Variants in RGL4 observed in about 807,000 individuals in gnomAD.
The protein encoded by RGL4 is ral guanine nucleotide dissociation stimulator like 4.
A neutral mutation model predicts 49.6 loss-of-function variants in RGL4; 41 were observed. That is an observed-to-expected ratio of 0.83 (90% CI 0.64 to 1.07). RGL4 has a LOEUF of 1.07. Ranked by LOEUF, RGL4 falls within the 50% of genes least tolerant of loss-of-function variation. The pLI, the probability that RGL4 is intolerant of heterozygous loss-of-function variation, is 0.00. For missense variants in RGL4, 610 were observed against 591.9 expected, an observed-to-expected ratio of 1.03 and a Z score of -0.32; for synonymous variants, 255 against 238.0, an observed-to-expected ratio of 1.07 and a Z score of -0.66.
rs763114232 is a variant in RGL4, at chr22:23,694,383, G to A, written c.949G>A (p.Val317Ile). 32 of 1,613,876 alleles carry A rather than the reference G, an allele frequency of 2.0e-5. No homozygotes were observed. The highest frequency in any genetic ancestry group is 2.2e-5 in the East Asian group (1 of 44,894). The change falls in exon 5 of 11, where the codon GTC (valine) becomes ATC (isoleucine). Residue 317 changes from valine (V) to isoleucine (I), a missense_variant. Transcript: ENST00000290691. The part of the protein sequence containing the change: ...LSLNNFSSVH[V>I]IVSALCSNPI... ...CCTCAACAACTTCTCCTCGGTGCAC[G>A]TCATCGTCTCTGCTCTGTGCAGCAA... is the stretch of plus-strand genomic sequence containing the variant.
intron 7 of RGL4, 48 bp from the exon 8 acceptor site, chr22:23,697,123 T>C (rs1418685788): frequency 1.4e-6 from 2 of 1,436,460 alleles, no homozygotes; most frequent in South Asian, 1.2e-5. Flanking sequence ...TGAGGGCCAA[T>C]ACTCATCACC....
intron 6 of RGL4, among the ~76,000 whole-genome samples, chr22:23,695,689 G>A (rs180766917): frequency 6.6e-5 from 10 of 152,314 alleles, no homozygotes; most frequent in East Asian, 1.9e-4. Flanking sequence ...GATTCTCACC[G>A]GTTAGCAGCG....
intron 6 of RGL4, chr22:23,696,178 G>A (rs1361659326): frequency 4.9e-6 from 3 of 612,474 alleles, no homozygotes; most frequent in South Asian, 2.1e-5. Context: ...CTCTTTGGGG[G>A]CCCTGGGGAG....
rs1377783219 is a variant in RGL4 at position 23,698,840 on chromosome 22, G to A, written c.1383-4G>A. ...GGCCTCACAGCTGCTTCTCTGTCCT[G>A]CAGCTACAAGCTGTCCTGCCAGCTG... is the stretch of plus-strand genomic sequence containing the variant. On this transcript the variant is annotated splice_polypyrimidine_tract_variant and splice_region_variant and intron_variant, in intron 10 of 10. Transcript: ENST00000290691. 1.2e-6 allele frequency: 2 copies of A among 1,610,972 alleles called. No individual in the cohort carries two copies. The highest frequency in any genetic ancestry group is 1.1e-5 in the South Asian group (1 of 90,278).
At position 23,692,533 on chromosome 22, in the gene RGL4, G is replaced by A. The variant is rs1923204158; in HGVS notation, c.373+5G>A. ...CCAACGAGGCCAAGCCAGATGGTGA[G>A]GGGGCTTGCAGTCTGCAAGACTTTC... On this transcript the variant is annotated splice_donor_5th_base_variant and intron_variant, in intron 2 of 10. Transcript: ENST00000290691. 2.5e-6 allele frequency: 4 copies of A among 1,612,332 alleles called. No homozygotes were observed. The highest frequency in any genetic ancestry group is 1.7e-4 in the Middle Eastern group (1 of 6,050).
At chr22:23,696,248 T>C in intron 6 of RGL4, 1 of 1,130,810 alleles carries the variant, frequency 8.8e-7, no homozygotes, top group Non-Finnish European at 1.1e-6. Context: ...GCTGAGCCTG[T>C]AGTGCAGGCC....
intron 6 of RGL4, chr22:23,696,390 GGTAGCT>G: frequency 3.4e-6 from 5 of 1,486,540 alleles, no homozygotes; most frequent in Non-Finnish European, 4.5e-6. Context: ...GGCCCTGTGA[GGTAGCT>G]GTGGTTTGCA....
At position 23,692,072 on chromosome 22, in the gene RGL4, G is replaced by C. The variant is rs1379101272; in HGVS notation, c.42G>C (p.Leu14Phe). The C allele has an allele frequency of 3.7e-6, 6 of 1,614,120 alleles. No homozygotes were observed. Residue 14 changes from leucine to phenylalanine, a missense_variant, in exon 1 of 11, where the codon TTG (leucine) becomes TTC (phenylalanine). By Grantham distance (22) the Leu-to-Phe change is conservative. Coordinates refer to ENST00000290691, the MANE Select transcript of RGL4 (RefSeq NM_153615.2). ...CAAATCTGCCTGCAGCTGCAGTCTT[G>C]AGTGCCCAGGTGTACAGTGCTGTGC... ...LLTNLPAAAV[L>F]SAQVYSAVLQ... is the part of the protein sequence containing the mutation.
In RGL4 at chr22:23,691,792, A is replaced by C. The variant is rs984668937; in HGVS notation, c.-239A>C. The C allele has an allele frequency of 2.1e-6, 1 of 476,236 alleles. No homozygotes were observed. Among genetic ancestry groups the C allele is most frequent in the Admixed American group, 3.2e-5 (1 of 30,928 alleles). 29.5% of individuals were successfully genotyped at this position (476,236 alleles called of 1,614,324 possible). On this transcript the variant is annotated 5_prime_UTR_variant, in exon 1 of 11. Coordinates refer to ENST00000290691, the MANE Select transcript of RGL4 (RefSeq NM_153615.2). ...AGGAGCTCTGGGGCTCATACTTCTT[A>C]TAATTCCCACGAGAAGGCTGACATC...
Position 23,697,259 on chromosome 22 carries a change from G to A in RGL4, c.1236+14G>A, listed in dbSNP as rs535667476. The A allele has an allele frequency of 1.8e-5, 29 of 1,608,348 alleles. No individual in the cohort carries two copies. In the South Asian group the frequency reaches 3.1e-4, roughly 17 times the overall value. Reference sequence around the variant, plus strand: ...GACGACCTGGATGTGAGTGAGCCTGGGGCAGGGTGCTTGGGAACCAAGATC... The same window carrying A: ...GACGACCTGGATGTGAGTGAGCCTGAGGCAGGGTGCTTGGGAACCAAGATC... On this transcript the variant is annotated intron_variant, in intron 8 of 10. Coordinates refer to ENST00000290691, the MANE Select transcript of RGL4 (RefSeq NM_153615.2).
At chr22:23,696,393 A>G (rs1048302145) in intron 6 of RGL4, 15 of 1,491,078 alleles carry the variant, frequency 1.0e-5, no homozygotes, top group Middle Eastern at 3.5e-4. Context: ...CCTGTGAGGT[A>G]GCTGTGGTTT....
rs371757094 is a variant in RGL4, at chr22:23,692,513, G to A, written c.358G>A (p.Glu120Lys). ...LGQLVLPEPN[E>K]AKPDDPAPRP... ...CCAGTTGGTGCTTCCGGAGCCCAAC[G>A]AGGCCAAGCCAGATGGTGAGGGGGC... The change falls in exon 2 of 11, where the codon GAG (glutamate) becomes AAG (lysine). Residue 120 changes from glutamate (E) to lysine (K), a missense_variant. Coordinates refer to ENST00000290691, the MANE Select transcript of RGL4 (RefSeq NM_153615.2). The A allele has an allele frequency of 8.1e-5, 131 of 1,613,778 alleles. No homozygotes were observed. Among genetic ancestry groups the A allele is most frequent in the Non-Finnish European group, 9.9e-5 (117 of 1,179,822 alleles).
At position 23,691,972 on chromosome 22, in the gene RGL4, C is replaced by G. The variant is rs539278636; in HGVS notation, c.-59C>G. ...CCCAGCTCTCCCTGTCCTCCTCCCC[C>G]CGACATCTGCCCCTTCCCTCCTAAC... is the stretch of plus-strand genomic sequence containing the variant. On this transcript the variant is annotated 5_prime_UTR_variant, in exon 1 of 11. Coordinates refer to ENST00000290691, the MANE Select transcript of RGL4 (RefSeq NM_153615.2). 2.6e-5 allele frequency: 41 copies of G among 1,573,912 alleles called. No homozygotes were observed. In the Admixed American group the frequency reaches 6.3e-4, roughly 24 times the overall value.
chr22:23,696,545 C>T (rs546395039), intron 6 of RGL4, 69 bp from the exon 7 acceptor site: 18 of 1,608,888 alleles, frequency 1.1e-5, no homozygotes, highest in African/African-American at 5.3e-5. Flanking sequence ...GATCCAAGTG[C>T]GGGGTGGCTG....
At position 23,695,666 on chromosome 22, in the gene RGL4, G is replaced by A. The variant is rs918178680; in HGVS notation, c.1086+647G>A. 7 of 321,294 alleles carry A rather than the reference G, an allele frequency of 2.2e-5. 1 individual carries two copies. Among genetic ancestry groups the A allele is most frequent in the Non-Finnish European group, 3.1e-5 (5 of 162,706 alleles). The allele number at this position is 321,294 out of a possible 1,614,324, so 19.9% of individuals were successfully genotyped here. A position where few individuals can be genotyped will look rare whatever the true frequency, so the allele number is the denominator to read the frequency against. On this transcript the variant is annotated intron_variant, in intron 6 of 10. Coordinates refer to ENST00000290691, the MANE Select transcript of RGL4 (RefSeq NM_153615.2). ...CTGCCCTTTGCAGACACCCAAAAAC[G>A]GTCATGTCAGAGGATTCTCACCGGT... is the stretch of plus-strand genomic sequence containing the variant.
At position 23,692,714 on chromosome 22, in the gene RGL4, T is replaced by G; in HGVS notation, c.419T>G (p.Leu140Arg). ...PGQHALTMPALEPAPPLLADL... is the reference protein window; with the variant it reads ...PGQHALTMPAREPAPPLLADL... ...CAACACGCATTAACAATGCCGGCCC[T>G]GGAGCCAGCACCACCACTGCTGGCG... The change falls in exon 3 of 11, where the codon CTG becomes CGG. Residue 140 changes from leucine to arginine, a missense_variant. By Grantham distance (102) the Leu-to-Arg change is moderately radical. Coordinates refer to ENST00000290691, the MANE Select transcript of RGL4 (RefSeq NM_153615.2). 6.2e-7 allele frequency: 1 copy of G among 1,612,598 alleles called. No homozygotes were observed. The highest frequency in any genetic ancestry group is 8.5e-7 in the Non-Finnish European group (1 of 1,179,534).
rs145247246 is a variant in RGL4 at position 23,693,968 on chromosome 22, G to A, written c.906G>A (p.Val302=). 3,027 of 1,613,498 alleles carry A rather than the reference G, an allele frequency of 1.9e-3. 3 individuals carry two copies. Among genetic ancestry groups the A allele is most frequent in the Non-Finnish European group, 2.1e-3 (2,516 of 1,179,914 alleles). The change falls in exon 4 of 11, where the codon GTG becomes GTA. Residue 302 remains valine, a synonymous_variant. Transcript: ENST00000290691. Reference sequence around the variant, plus strand: ...GGGTGGTGGAGCACTGGATCAAGGTGGCCAGGGTAAGCTATGGTTGGGCCT... The same window carrying A: ...GGGTGGTGGAGCACTGGATCAAGGTAGCCAGGGTAAGCTATGGTTGGGCCT... ...RARVVEHWIK[V]ARECLSLNNF... is the part of the protein sequence containing the mutation.
At chr22:23,698,466 C>A in intron 10 of RGL4, 133 bp downstream of exon 10, 1 of 1,084,894 alleles carries the variant, frequency 9.2e-7, no homozygotes, top group African/African-American at 1.5e-5. Context: ...GCCTTCTGGG[C>A]TCAAGTCCTT....
chr22:23,696,135 G>C (rs531634214), intron 6 of RGL4, among the ~76,000 whole-genome samples: 6 of 152,352 alleles, frequency 3.9e-5, no homozygotes, highest in African/African-American at 1.4e-4. Flanking sequence ...AGGCAGCCGA[G>C]ACGGAGCCTC....
Sources: allele counts gnomAD v4.1 joint callset (sites outside exome capture counted in the v4.1 genomes callset), GRCh38; gene constraint gnomAD v4.1.1; transcripts MANE v1.5; gene names NCBI Gene and HGNC (gene_info 2026-07-23, HGNC 2026-07-21).